ARHGAP1: variants seen among roughly 807,000 people sequenced by gnomAD.
ARHGAP1 encodes rho GTPase-activating protein 1.
ARHGAP1 carries 23 observed loss-of-function variants against 52.2 expected under a neutral mutation model. The observed-to-expected ratio is 0.44, with a 90% CI of 0.32 to 0.62. ARHGAP1 has a LOEUF of 0.62. Ranked by LOEUF, ARHGAP1 falls within the 20% of genes least tolerant of loss-of-function variation. The pLI is 0.05. For missense variants in ARHGAP1, 480 were observed against 560.9 expected (o/e 0.86, Z 1.46); for synonymous variants, 210 against 228.4 (o/e 0.92, Z 0.73).
At chr11:46,688,021 C>T (rs1193228052) in intron 4 of ARHGAP1, 152 bp downstream of exon 4, 5 of 716,314 alleles carry the variant, frequency 7.0e-6, no homozygotes, top group Non-Finnish European at 1.1e-5. Context: ...GTGCTCTCCC[C>T]TAAATATAAA....
Position 46,680,665 on chromosome 11 carries a change from G to A in ARHGAP1, c.718C>T (p.Gln240Ter). The change falls in exon 8 of 13, where the codon CAG (glutamine) becomes TAG (stop). Residue 240 changes from glutamine to a stop codon, truncating the protein, a stop_gained. Coordinates refer to ENST00000311956, the MANE Select transcript of ARHGAP1 (RefSeq NM_004308.5). LOFTEE classifies it high-confidence loss of function. This position sits in a 1 kb window ranked among gnomAD's most constrained non-coding sequence, Gnocchi z 5.9. ...TGCTGCAGCGAGACTCCAAACTGCT[G>A]GTTGGGCAGGGGGGGCCGTGGGGGC... The part of the protein sequence containing the change: ...PMPPRPPLPN[Q>*]QFGVSLQHLQ... The A allele has an allele frequency of 6.2e-7, 1 of 1,610,416 alleles. No individual in the cohort carries two copies. Among genetic ancestry groups the A allele is most frequent in the Non-Finnish European group, 8.5e-7 (1 of 1,177,682 alleles).
rs766164026 is a variant in ARHGAP1, at chr11:46,695,748, G to A, written c.141C>T (p.Ser47=). ...EMPDFPKSDD[S]KSSSPELVTH... ...TGACAAGTTCCGGGGAGCTGCTTTT[G>A]GAGTCATCTGAGGAACACAGCAGGG... The change falls in exon 3 of 13, where the codon TCC becomes TCT. Residue 47 remains serine (S), a synonymous_variant. Transcript: ENST00000311956. 3.9e-6 allele frequency: 6 copies of A among 1,552,494 alleles called. No individual in the cohort carries two copies. The South Asian group carries it at 7.1e-5, about 18-fold the overall frequency.
chr11:46,687,273 A>G (rs1172691618), intron 4 of ARHGAP1: 1 of 152,250 alleles, frequency 6.6e-6, no homozygotes, highest in African/African-American at 2.4e-5. Flanking sequence ...GAGAGATAGA[A>G]TTCCTAGATG....
intron 3 of ARHGAP1, chr11:46,694,962 C>G (rs2064641470): frequency 6.1e-6 from 1 of 164,418 alleles, no homozygotes. Flanking sequence ...CTGGCCTCAC[C>G]AGCAAGGATG....
rs769496651 is a variant in ARHGAP1 at position 46,680,157 on chromosome 11, C to T, written c.898+48G>A. On this transcript the variant is annotated intron_variant, in intron 10 of 12. Transcript: ENST00000311956. This position sits in a 1 kb window ranked among gnomAD's most constrained non-coding sequence, Gnocchi z 5.9. ...AGGGCAGCAGAGGGCAGAGAAGCCC[C>T]CTACCAGTAACACACATATGGCCCT... is the stretch of plus-strand genomic sequence containing the variant. The T allele has an allele frequency of 1.2e-5, 19 of 1,569,030 alleles. No homozygotes were observed. The highest frequency in any genetic ancestry group is 1.7e-5 in the Non-Finnish European group (19 of 1,139,284).
Position 46,677,942 on chromosome 11 carries a change from C to CAA in ARHGAP1, c.*1094_*1095insTT. 1 of 408,618 alleles carries CAA rather than the reference C, an allele frequency of 2.4e-6. No homozygotes were observed. The highest frequency in any genetic ancestry group is 4.8e-6 in the Non-Finnish European group (1 of 210,380). 25.3% of individuals were successfully genotyped at this position (408,618 alleles called of 1,614,324 possible). The stretch of plus-strand genomic sequence containing the variant: ...CTGGTGACAGAGCGAGACTCCATCT[C>CAA]AGAAAAAAAAAAAAAAAGGTGGCCC... On this transcript the variant is annotated 3_prime_UTR_variant, in exon 13 of 13. Transcript: ENST00000311956.
chr11:46,682,610 G>A lies in ARHGAP1; in HGVS notation c.318-428C>T, dbSNP rs2064537577. On this transcript the variant is annotated intron_variant, in intron 4 of 12. Transcript: ENST00000311956. ...GAGGCAGGAGAATCGCTTGAACCCA[G>A]GAGGCGGAGGTTTCAGTGAGCAGAG... Among the ~76,000 whole-genome samples, 3 of 152,188 alleles carry A rather than the reference G, an allele frequency of 2.0e-5. No homozygotes were observed. The South Asian group carries it at 6.2e-4, about 31-fold the overall frequency.
chr11:46,697,926 G>A (rs764893642), intron 1 of ARHGAP1, among the ~76,000 whole-genome samples: 69 of 152,120 alleles, frequency 4.5e-4, no homozygotes, highest in Admixed American at 9.8e-4. Context: ...GAGGCTGTGG[G>A]AGCTGCTCCC....
chr11:46,679,328 C>T lies in ARHGAP1; in HGVS notation c.1131+37G>A, dbSNP rs372150816. The T allele has an allele frequency of 5.8e-5, 93 of 1,610,464 alleles. No homozygotes were observed. The highest frequency in any genetic ancestry group is 7.5e-5 in the Non-Finnish European group (88 of 1,177,270). ...GAGGAGGCGGCAGCTCCTCCTTCCC[C>T]CTCCCTTCACCCCAGAGGCCAAGTC... On this transcript the variant is annotated intron_variant, in intron 12 of 12. Transcript: ENST00000311956. The surrounding 1 kb of genome is among the most constrained non-coding windows in gnomAD (Gnocchi z 4.4).
chr11:46,683,604 A>C (rs1270071721), intron 4 of ARHGAP1, among the ~76,000 whole-genome samples: 1 of 151,770 alleles, frequency 6.6e-6, no homozygotes, highest in Admixed American at 6.6e-5. Context: ...AATGAACAAG[A>C]ACTGGGGAAA....
intron 3 of ARHGAP1, chr11:46,695,370 AG>A (rs1043997716): frequency 1.8e-5 from 8 of 448,098 alleles, no homozygotes; most frequent in African/African-American, 1.6e-4. Context: ...AACGAGGGGA[AG>A]GGAAGGCTAC....
At chr11:46,682,698 A>G (rs542285782) in intron 4 of ARHGAP1, among the ~76,000 whole-genome samples, 4 of 152,258 alleles carry the variant, frequency 2.6e-5, no homozygotes, top group Non-Finnish European at 5.9e-5. Flanking sequence ...AATAGTAATA[A>G]TAATAACAGT....
In ARHGAP1 at chr11:46,680,351, G is replaced by C. The variant is rs2064515082; in HGVS notation, c.821-69C>G. The C allele has an allele frequency of 6.3e-7, 1 of 1,590,462 alleles. No individual in the cohort carries two copies. The highest frequency in any genetic ancestry group is 1.7e-5 in the Admixed American group (1 of 59,800). On this transcript the variant is annotated intron_variant, in intron 9 of 12. Transcript: ENST00000311956. The surrounding 1 kb of genome is among the most constrained non-coding windows in gnomAD (Gnocchi z 5.9). ...CGGCTGGATTCCCTGCCCCTTCTCT[G>C]TCTTGGGGTTCTAGGCAGGGCTGGG...
chr11:46,699,425 C>A (rs2064681523), intron 1 of ARHGAP1, among the ~76,000 whole-genome samples: 1 of 152,178 alleles, frequency 6.6e-6, no homozygotes, highest in Non-Finnish European at 1.5e-5. Context: ...AGAGGACCAG[C>A]CGGGCACGGT....
Position 46,696,564 on chromosome 11 carries a change from ATGT to A in ARHGAP1, c.-49-411_-49-409del, listed in dbSNP as rs1246647214. Among the ~76,000 whole-genome samples, 1 of 152,214 alleles carries A rather than the reference ATGT, an allele frequency of 6.6e-6. No homozygotes were observed. The highest frequency in any genetic ancestry group is 1.5e-5 in the Non-Finnish European group (1 of 68,030). ...GGCTCTAGCAGTTACAGGGGTAGAA[ATGT>A]TGTAAGAATCTAAGGAACATGCTGG... On this transcript the variant is annotated intron_variant, in intron 1 of 12. Coordinates refer to ENST00000311956, the MANE Select transcript of ARHGAP1 (RefSeq NM_004308.5). The surrounding 1 kb of genome is among the most constrained non-coding windows in gnomAD (Gnocchi z 4.8).
chr11:46,682,252 C>G (rs1395030245), intron 4 of ARHGAP1, 70 bp from the exon 5 acceptor site: 2 of 1,588,608 alleles, frequency 1.3e-6, no homozygotes, highest in African/African-American at 2.7e-5. Flanking sequence ...AGAAAGCAGC[C>G]CCAAGAGTCT....
intron 3 of ARHGAP1, among the ~76,000 whole-genome samples, chr11:46,688,551 G>A (rs1373462750): frequency 6.6e-6 from 1 of 151,866 alleles, no homozygotes; most frequent in Non-Finnish European, 1.5e-5. Flanking sequence ...GCGCAATCAC[G>A]GCTCACTGTA....
intron 4 of ARHGAP1, among the ~76,000 whole-genome samples, chr11:46,685,308 A>G (rs907941697): frequency 6.6e-6 from 1 of 150,922 alleles, no homozygotes; most frequent in Non-Finnish European, 1.5e-5. Flanking sequence ...AAAAATGTAC[A>G]CAATGGATTT....
chr11:46,695,848 C>T, intron 2 of ARHGAP1, 93 bp from the exon 3 acceptor site: 3 of 1,585,368 alleles, frequency 1.9e-6, no homozygotes, highest in Non-Finnish European at 2.6e-6. Flanking sequence ...CCCAGTAAGG[C>T]CCATGCTCCC....
Sources: gnomAD v4.1 joint callset for allele counts (sites outside exome capture counted in the v4.1 genomes callset) on GRCh38, gnomAD v4.1.1 for gene constraint, Gnocchi (gnomAD v3.1) non-coding constraint, MANE v1.5 for transcripts, NCBI Gene and HGNC (gene_info 2026-07-23, HGNC 2026-07-21) for gene names.